PGLYRP3: variants seen among roughly 807,000 people sequenced by gnomAD.
PGLYRP3 encodes the protein peptidoglycan recognition protein 3.
Under a neutral mutation model 36.0 loss-of-function variants are expected in PGLYRP3, and 39 were observed. The ratio of observed to expected loss-of-function variants is 1.08; its 90% CI spans 0.84 to 1.41. The LOEUF (loss-of-function observed/expected upper bound fraction) is 1.41. Ranked by LOEUF, PGLYRP3 falls within the 40% of genes most tolerant of loss-of-function variation. The pLI is 0.00. For missense variants in PGLYRP3, 407 were observed against 427.9 expected (o/e 0.95, Z 0.43); for synonymous variants, 204 against 172.8 (o/e 1.18, Z -1.42).
intron 1 of PGLYRP3, among the ~76,000 whole-genome samples, chr1:153,311,129 A>G (rs1659888161): frequency 6.6e-6 from 1 of 152,124 alleles, no homozygotes; most frequent in Non-Finnish European, 1.5e-5. Flanking sequence ...GGAGTGAACT[A>G]CAAGCAGAAG....
chr1:153,304,103 G>T, intron 4 of PGLYRP3, 94 bp from the exon 5 acceptor site: 3 of 1,218,274 alleles, frequency 2.5e-6, no homozygotes, highest in Non-Finnish European at 2.3e-6. Context: ...ACTTGAGCCT[G>T]AATAACTGGA....
In PGLYRP3 at chr1:153,304,821, G is replaced by C. The variant is rs374715095; in HGVS notation, c.376+126C>G. ...GATCCAAAGGAGAAAAGAATTTCAAGAGAAGGGTGATCATCAGAGAAGGTA... is the reference window on the plus strand; with the variant it reads ...GATCCAAAGGAGAAAAGAATTTCAACAGAAGGGTGATCATCAGAGAAGGTA... On this transcript the variant is annotated intron_variant, in intron 4 of 7. Coordinates refer to ENST00000683862, the MANE Select transcript of PGLYRP3 (RefSeq NM_052891.3). 4.6e-5 allele frequency: 32 copies of C among 689,396 alleles called. No homozygotes were observed. In the East Asian group the frequency reaches 6.2e-4, roughly 13 times the overall value. The allele number at this position is 689,396 out of a possible 1,614,324, so 42.7% of individuals were successfully genotyped here.
chr1:153,303,823 G>A (rs776428387), intron 5 of PGLYRP3, 34 bp downstream of exon 5: 10 of 1,584,586 alleles, frequency 6.3e-6, no homozygotes, highest in South Asian at 1.1e-5. Flanking sequence ...AGGTGGTGAC[G>A]AGGAGGAGGG....
rs1182375665 is a variant in PGLYRP3, at chr1:153,297,546, G to A, written c.*410C>T. On this transcript the variant is annotated 3_prime_UTR_variant, in exon 8 of 8. Coordinates refer to ENST00000683862, the MANE Select transcript of PGLYRP3 (RefSeq NM_052891.3). ...AGGAAGGAAGGAAGGAAGGAAGGAA[G>A]GAAGGAAAGAAAGAAAAAGAAAGAA... 9.6e-4 allele frequency among the ~76,000 whole-genome samples: 89 copies of A among 92,258 alleles called. 1 individual carries two copies. The highest frequency in any genetic ancestry group is 3.9e-3 in the African/African-American group (79 of 20,302). The allele number at this position is 92,258 out of a possible 152,430, so 60.5% of individuals were successfully genotyped here.
rs1659523091 is a variant in PGLYRP3 at position 153,299,122 on chromosome 1, A to C, written c.838T>G (p.Tyr280Asp). The C allele has an allele frequency of 6.2e-7, 1 of 1,613,978 alleles. No individual in the cohort carries two copies. The stretch of plus-strand genomic sequence containing the variant: ...CATGCTCACCCCTTACCTACAAAGT[A>C]GCCGATGAAGGCAATTCCTAGGGCA... Reference protein sequence around the residue: ...DIALGIAFIGYFVEKPPNAAA... With the variant: ...DIALGIAFIGDFVEKPPNAAA... The change falls in exon 7 of 8, where the codon TAC becomes GAC. Residue 280 changes from tyrosine (Y) to aspartate (D), a missense_variant. Transcript: ENST00000683862.
intron 6 of PGLYRP3, among the ~76,000 whole-genome samples, chr1:153,299,581 A>G (rs1256571638): frequency 2.0e-5 from 3 of 151,092 alleles, no homozygotes; most frequent in African/African-American, 4.9e-5. Context: ...CACAACCACA[A>G]CCCTCCTTGT....
At chr1:153,311,275 A>C (rs1326334951) in intron 1 of PGLYRP3, among the ~76,000 whole-genome samples, 2 of 152,158 alleles carry the variant, frequency 1.3e-5, no homozygotes, top group African/African-American at 2.4e-5. Context: ...AATAACAGCT[A>C]CCACTTACTG....
At position 153,299,166 on chromosome 1, in the gene PGLYRP3, G is replaced by T; in HGVS notation, c.794C>A (p.Thr265Asn). The T allele has an allele frequency of 6.2e-7, 1 of 1,614,058 alleles. No individual in the cohort carries two copies. The highest frequency in any genetic ancestry group is 8.5e-7 in the Non-Finnish European group (1 of 1,180,016). ...TAGGGCAATATCGTTGAATCCATAA[G>T]TGTGAGAGCCTTGGATGTGCCATCC... ...GVGWHIQGSH[T>N]YGFNDIALGI... is the part of the protein sequence containing the mutation. Residue 265 changes from threonine (T) to asparagine (N), a missense_variant, in exon 7 of 8, where the codon ACT becomes AAT. Coordinates refer to ENST00000683862, the MANE Select transcript of PGLYRP3 (RefSeq NM_052891.3).
chr1:153,303,740 G>A (rs1659660280), intron 5 of PGLYRP3, 117 bp downstream of exon 5: 8 of 1,220,740 alleles, frequency 6.6e-6, no homozygotes, highest in African/African-American at 1.5e-5. Flanking sequence ...GTAGGCATGA[G>A]ATGTTCTTAG....
intron 2 of PGLYRP3, among the ~76,000 whole-genome samples, chr1:153,307,563 C>T (rs1659776619): frequency 6.6e-6 from 1 of 152,136 alleles, no homozygotes; most frequent in Admixed American, 6.6e-5. Context: ...CCTACATGCT[C>T]CCCTCCTTCA....
intron 1 of PGLYRP3, among the ~76,000 whole-genome samples, chr1:153,311,706 T>C (rs1659900391): frequency 6.6e-6 from 1 of 152,168 alleles, no homozygotes; most frequent in Admixed American, 6.5e-5. Context: ...TGAGAAAATA[T>C]AAAGTGGAGT....
intron 1 of PGLYRP3, among the ~76,000 whole-genome samples, chr1:153,311,668 A>G (rs1200632009): frequency 6.6e-6 from 1 of 152,206 alleles, no homozygotes; most frequent in East Asian, 1.9e-4. Context: ...ACCACCCAAA[A>G]CATCAACTTT....
intron 4 of PGLYRP3, 80 bp downstream of exon 4, chr1:153,304,867 G>T: frequency 2.0e-6 from 2 of 1,024,364 alleles, no homozygotes; most frequent in Non-Finnish European, 2.9e-6. Context: ...AGGGTAAAAA[G>T]ATGAGTGTTG....
chr1:153,306,917 G>A (rs549920571), intron 3 of PGLYRP3, 149 bp downstream of exon 3: 15 of 778,772 alleles, frequency 1.9e-5, no homozygotes, highest in South Asian at 5.2e-5. Context: ...CGAAGGATTC[G>A]GATTTTGTTT....
Position 153,297,844 on chromosome 1 carries a change from AG to A in PGLYRP3, c.*111del, listed in dbSNP as rs1659476991. Reference sequence around the variant, plus strand: ...GGACATGACCATTCAAACCTGAGAAAGGATGGGCTGGCAGGGGAGGGGGACA... The same window carrying A: ...GGACATGACCATTCAAACCTGAGAAAGATGGGCTGGCAGGGGAGGGGGACA... On this transcript the variant is annotated 3_prime_UTR_variant, in exon 8 of 8. Coordinates refer to ENST00000683862, the MANE Select transcript of PGLYRP3 (RefSeq NM_052891.3). 11 of 1,247,694 alleles carry A rather than the reference AG, an allele frequency of 8.8e-6. No homozygotes were observed. In the South Asian group the frequency reaches 1.6e-4, roughly 18 times the overall value. 77.3% of individuals were successfully genotyped at this position (1,247,694 alleles called of 1,614,324 possible). A position where few individuals can be genotyped will look rare whatever the true frequency, so the allele number is the denominator to read the frequency against.
chr1:153,310,528 C>T (rs821423), intron 2 of PGLYRP3, 83 bp downstream of exon 2: 1,199,789 of 1,418,516 alleles, frequency 0.85, 507,878 homozygotes, highest in Non-Finnish European at 0.85. Context: ...TGAAAGCACT[C>T]GGATGGGTTT....
intron 2 of PGLYRP3, among the ~76,000 whole-genome samples, chr1:153,308,061 C>G (rs1659797318): frequency 1.3e-5 from 2 of 151,220 alleles, no homozygotes; most frequent in Admixed American, 6.6e-5. Flanking sequence ...GTGGCGCGAT[C>G]TCGGCTCACT....
chr1:153,299,490 G>A (rs1423396268), intron 6 of PGLYRP3, among the ~76,000 whole-genome samples: 1 of 152,130 alleles, frequency 6.6e-6, no homozygotes, highest in African/African-American at 2.4e-5. Context: ...CTGGCACTAA[G>A]TACAATGGAC....
chr1:153,311,153 G>GC (rs1557813363), intron 1 of PGLYRP3, among the ~76,000 whole-genome samples: 1 of 151,922 alleles, frequency 6.6e-6, no homozygotes, highest in Admixed American at 6.6e-5. Flanking sequence ...GCTTGGCTTC[G>GC]CCCCCTGCAC....
Sources: gnomAD v4.1 joint callset for allele counts (sites outside exome capture counted in the v4.1 genomes callset) on GRCh38, gnomAD v4.1.1 for gene constraint, MANE v1.5 for transcripts, NCBI Gene and HGNC (gene_info 2026-07-23, HGNC 2026-07-21) for gene names.